MAGI1: variants seen among roughly 807,000 people sequenced by gnomAD.
MAGI1 encodes membrane associated guanylate kinase, WW and PDZ domain containing 1, also known as membrane-associated guanylate kinase, WW and PDZ domain-containing protein 1.
In MAGI1, 58 loss-of-function variants were observed where a neutral mutation model predicts 139.9. That is an observed-to-expected ratio of 0.41 (90% CI 0.34 to 0.52). The LOEUF (loss-of-function observed/expected upper bound fraction) is 0.52, where lower values mean the gene tolerates loss of function less well. MAGI1 is among the 20% of genes least tolerant of loss of function. The probability of loss-of-function intolerance (pLI) is 0.12; values close to 1 mark genes in which losing one functional copy is unlikely to be tolerated. For synonymous variants in MAGI1, 812 were observed against 737.9 expected (o/e 1.10, Z -1.63); for missense variants, 1,874 against 1,901.6 (o/e 0.99, Z 0.27).
At chr3:65,745,576 T>C (rs968293502) in intron 1 of MAGI1, among the ~76,000 whole-genome samples, 2 of 152,240 alleles carry the variant, frequency 1.3e-5, no homozygotes, top group African/African-American at 4.8e-5. Flanking sequence ...CAGAACCAAA[T>C]GTAATTCCTT....
intron 1 of MAGI1, among the ~76,000 whole-genome samples, chr3:65,709,564 T>A (rs1011195954): frequency 3.9e-5 from 6 of 152,172 alleles, no homozygotes; most frequent in Non-Finnish European, 5.9e-5. Context: ...GATACCAAAT[T>A]AGAGACAACA....
chr3:65,627,485 C>CTTTTTTTTTT lies in MAGI1; in HGVS notation c.314-5407_314-5398dup, dbSNP rs779588733. Among the ~76,000 whole-genome samples the CTTTTTTTTTT allele has an allele frequency of 1.1e-4, 3 of 28,354 alleles. 1 individual carries two copies. Among genetic ancestry groups the CTTTTTTTTTT allele is most frequent in the African/African-American group, 3.5e-4 (3 of 8,490 alleles). 18.6% of individuals were successfully genotyped at this position (28,354 alleles called of 152,430 possible). On this transcript the variant is annotated intron_variant, in intron 1 of 22. Transcript: ENST00000402939. ...TTGCCGTTATTTTATATTTCTGTAT[C>CTTTTTTTTTT]TTTTTTTTTTTTTTTTTTTTTTTTT...
At chr3:65,677,970 C>T (rs1199343690) in intron 1 of MAGI1, among the ~76,000 whole-genome samples, 1 of 152,344 alleles carries the variant, frequency 6.6e-6, no homozygotes, top group Non-Finnish European at 1.5e-5. Flanking sequence ...GGCACATATA[C>T]ACCATGGAAT....
intron 2 of MAGI1, among the ~76,000 whole-genome samples, chr3:65,495,612 T>C (rs961898188): frequency 6.6e-5 from 10 of 152,196 alleles, no homozygotes; most frequent in Admixed American, 3.3e-4. Context: ...AAAACAAATA[T>C]GTATATAAAT....
chr3:65,876,403 T>C (rs1351848791), intron 1 of MAGI1, among the ~76,000 whole-genome samples: 2 of 151,946 alleles, frequency 1.3e-5, no homozygotes, highest in Non-Finnish European at 1.5e-5. Context: ...AGCTGAGAAA[T>C]GCTGATGTAC....
At chr3:65,415,006 GAAA>G (rs60772625) in intron 12 of MAGI1, among the ~76,000 whole-genome samples, 14 of 105,614 alleles carry the variant, frequency 1.3e-4, no homozygotes, top group East Asian at 2.6e-4. Flanking sequence ...TCCAGCCTGG[GAAA>G]AAAAAAAAAA....
chr3:65,624,388 T>A (rs2083852810), intron 1 of MAGI1, among the ~76,000 whole-genome samples: 1 of 152,022 alleles, frequency 6.6e-6, no homozygotes, highest in Non-Finnish European at 1.5e-5. Context: ...CATCGAAAGG[T>A]GAATGAATAA....
rs954551498 is a variant in MAGI1, at chr3:65,764,222, C to T, written c.314-142134G>A. 2.0e-5 allele frequency among the ~76,000 whole-genome samples: 3 copies of T among 152,000 alleles called. No homozygotes were observed. The East Asian group carries it at 5.8e-4, about 29-fold the overall frequency. On this transcript the variant is annotated intron_variant, in intron 1 of 22. Transcript: ENST00000402939. ...AAAAATTTCTAGTTCCACACCCACC[C>T]ACCCACCATAAAAAAGAATGTAGAC...
chr3:65,783,968 C>T (rs1367561391), intron 1 of MAGI1, among the ~76,000 whole-genome samples: 4 of 151,880 alleles, frequency 2.6e-5, no homozygotes, highest in African/African-American at 9.7e-5. Context: ...ACTAAAAATA[C>T]AAAAATTAGC....
chr3:65,518,259 T>G (rs1005502074), intron 2 of MAGI1, among the ~76,000 whole-genome samples: 1 of 152,186 alleles, frequency 6.6e-6, no homozygotes, highest in South Asian at 2.1e-4. Flanking sequence ...ACTGCATAAG[T>G]CTACCACGGC....
At chr3:65,615,469 G>T (rs2083322597) in intron 2 of MAGI1, among the ~76,000 whole-genome samples, 1 of 152,166 alleles carries the variant, frequency 6.6e-6, no homozygotes, top group South Asian at 2.1e-4. Context: ...CCCCTAGCAA[G>T]AGGTAAATAT....
chr3:65,702,558 TC>T, intron 1 of MAGI1, among the ~76,000 whole-genome samples: 1 of 152,136 alleles, frequency 6.6e-6, no homozygotes, highest in Non-Finnish European at 1.5e-5. Context: ...CCAAGCCCTC[TC>T]CTACCCTGGT....
intron 1 of MAGI1, among the ~76,000 whole-genome samples, chr3:65,909,177 T>A (rs891600754): frequency 1.3e-5 from 2 of 152,142 alleles, no homozygotes; most frequent in Admixed American, 1.3e-4. Flanking sequence ...CTTCCCGTAC[T>A]GACACCATCA....
intron 1 of MAGI1, among the ~76,000 whole-genome samples, chr3:65,880,721 G>A (rs2060291336): frequency 6.6e-6 from 1 of 151,756 alleles, no homozygotes; most frequent in Admixed American, 6.6e-5. Context: ...GCAAAGGCAG[G>A]GAAGAAACAC....
intron 1 of MAGI1, among the ~76,000 whole-genome samples, chr3:65,742,087 A>C (rs2035323395): frequency 6.6e-6 from 1 of 152,182 alleles, no homozygotes; most frequent in South Asian, 2.1e-4. Context: ...ATATTTAAAT[A>C]TATTTATATC....
chr3:66,018,198 T>C (rs1283762034), intron 1 of MAGI1, among the ~76,000 whole-genome samples: 4 of 149,790 alleles, frequency 2.7e-5, no homozygotes, highest in African/African-American at 9.8e-5. Context: ...TAACCTCCAC[T>C]ACACCCTCAC....
chr3:65,955,331 TA>T (rs1396984492), intron 1 of MAGI1, among the ~76,000 whole-genome samples: 3 of 152,152 alleles, frequency 2.0e-5, no homozygotes, highest in Non-Finnish European at 4.4e-5. Context: ...CACTGCCTCT[TA>T]AAACTAAATA....
chr3:65,549,545 G>C (rs1340383500), intron 2 of MAGI1: 2 of 923,304 alleles, frequency 2.2e-6, no homozygotes, highest in Admixed American at 1.2e-4. Flanking sequence ...CTCGCAGGCA[G>C]TAGGCTCGGC....
chr3:65,391,156 A>G lies in MAGI1; in HGVS notation c.2402T>C (p.Met801Thr), dbSNP rs1943898672. 1.2e-6 allele frequency: 2 copies of G among 1,614,172 alleles called. No individual in the cohort carries two copies. Among genetic ancestry groups the G allele is most frequent in the Middle Eastern group, 1.6e-4 (1 of 6,062 alleles). ...PFKIWAQSRS[M>T]YENRLPDYQE... The stretch of plus-strand genomic sequence containing the variant: ...ATGCTACTCACGTCGGTTTTCATAC[A>G]TGCTCCTGGACTGGGCCCAGATTTT... The change falls in exon 14 of 23, where the codon ATG (methionine) becomes ACG (threonine). Residue 801 changes from methionine (M) to threonine (T), a missense_variant. By Grantham distance (81) the Met-to-Thr change is moderately conservative (BLOSUM62 -1). Transcript: ENST00000402939.
Sources: allele counts gnomAD v4.1 joint callset (sites outside exome capture counted in the v4.1 genomes callset), GRCh38; gene constraint gnomAD v4.1.1; transcripts MANE v1.5; gene names NCBI Gene and HGNC (gene_info 2026-07-23, HGNC 2026-07-21).